The following OTOA variants were observed in gnomAD, a reference collection of about 807,000 sequenced individuals.
The protein encoded by OTOA is otoancorin.
Under a neutral mutation model 110.8 loss-of-function variants are expected in OTOA, and 70 were observed. The ratio of observed to expected loss-of-function variants is 0.63; its 90% CI spans 0.52 to 0.77. The LOEUF (loss-of-function observed/expected upper bound fraction) is 0.77. OTOA is among the 30% of genes least tolerant of loss of function. The pLI is 0.00. For synonymous variants in OTOA, 373 were observed against 431.5 expected (o/e 0.86, Z 1.68); for missense variants, 917 against 1,075.8 (o/e 0.85, Z 2.06).
chr16:21,692,419 C>G (rs1325703031), intron 9 of OTOA, among the ~76,000 whole-genome samples: 3 of 151,886 alleles, frequency 2.0e-5, no homozygotes, highest in Non-Finnish European at 2.9e-5. Context: ...GTCCTGGCTA[C>G]CAAAGCAGGT....
chr16:21,671,588 AAAAAAAAAAAAAG>A (rs1416711712), intron 1 of OTOA, among the ~76,000 whole-genome samples: 1 of 146,076 alleles, frequency 6.8e-6, no homozygotes, highest in Non-Finnish European at 1.5e-5. Flanking sequence ...CTCCATATCA[AAAAAAAAAAAAAG>A]AAAAAAGAAA....
chr16:21,711,799 G>C (rs938165795), intron 13 of OTOA, among the ~76,000 whole-genome samples: 9 of 151,992 alleles, frequency 5.9e-5, no homozygotes, highest in African/African-American at 1.9e-4. Context: ...CCACACTCCT[G>C]GCCACTTCCC....
Position 21,681,779 on chromosome 16 carries a change from C to A in OTOA, c.221C>A (p.Ala74Asp). 4.3e-6 allele frequency: 7 copies of A among 1,614,026 alleles called. No homozygotes were observed. The highest frequency in any genetic ancestry group is 5.9e-6 in the Non-Finnish European group (7 of 1,179,984). The change falls in exon 6 of 29, where the codon GCC (alanine) becomes GAC (aspartate). Residue 74 changes from alanine to aspartate, a missense_variant. This residue lies in a region of OTOA where 840 missense variants were observed against 910.2 expected (regional missense o/e 0.92). Transcript: ENST00000646100. Reference protein sequence around the residue: ...WTDDLSHRVLAYLNSRNVAFT... With the variant: ...WTDDLSHRVLDYLNSRNVAFT... Reference sequence around the variant, plus strand: ...GATGACCTGTCCCACAGAGTCCTGGCCTATCTGAATTCCCGGAATGTTGCC... The same window carrying A: ...GATGACCTGTCCCACAGAGTCCTGGACTATCTGAATTCCCGGAATGTTGCC...
In OTOA at chr16:21,715,064, G is replaced by A. The variant is rs376997763; in HGVS notation, c.1400G>A (p.Arg467His). ...VSTQAFCSMK[R>H]KDISQVLRSA... is the part of the protein sequence containing the mutation. ...ACCCAGGCCTTCTGCAGCATGAAACGCAAGGACATCTCGCAGGTCCTGAGA... is the reference window on the plus strand; with the variant it reads ...ACCCAGGCCTTCTGCAGCATGAAACACAAGGACATCTCGCAGGTCCTGAGA... The change falls in exon 14 of 29, where the codon CGC becomes CAC. Residue 467 changes from arginine (R) to histidine (H), a missense_variant. Arg to His is a conservative substitution (Grantham distance 29). This residue lies in a region of OTOA where 840 missense variants were observed against 910.2 expected (regional missense o/e 0.92). Transcript: ENST00000646100. The A allele has an allele frequency of 2.2e-5, 36 of 1,614,106 alleles. No homozygotes were observed. The highest frequency in any genetic ancestry group is 2.9e-5 in the Non-Finnish European group (34 of 1,180,034).
At chr16:21,713,598 T>A (rs215884) in intron 13 of OTOA, among the ~76,000 whole-genome samples, 141,596 of 152,244 alleles carry the variant, frequency 0.93, 66,356 homozygotes, top group Middle Eastern at 0.98. Flanking sequence ...CAGTTCATTC[T>A]TGTGAGGTAC....
rs529611505 is a variant in OTOA, at chr16:21,674,005, G to A, written c.-4-4506G>A. 5.3e-5 allele frequency among the ~76,000 whole-genome samples: 8 copies of A among 152,158 alleles called. No individual in the cohort carries two copies. In the East Asian group the frequency reaches 1.5e-3, roughly 29 times the overall value. ...GTAGAGATGGGGTTTCACCATGTTA[G>A]CCAGGATGGTCTTGATCTCCTGACC... is the stretch of plus-strand genomic sequence containing the variant. On this transcript the variant is annotated intron_variant, in intron 1 of 28. Coordinates refer to ENST00000646100, the MANE Select transcript of OTOA (RefSeq NM_144672.4).
chr16:21,727,919 T>C (rs973984565), intron 19 of OTOA, among the ~76,000 whole-genome samples: 1 of 150,660 alleles, frequency 6.6e-6, no homozygotes, highest in Non-Finnish European at 1.5e-5. Flanking sequence ...TGGAGTGCAA[T>C]GGCATGATCA....
chr16:21,705,249 T>C lies in OTOA; in HGVS notation c.1061T>C (p.Ile354Thr), dbSNP rs1197996712. Residue 354 changes from isoleucine to threonine, a missense_variant, in exon 12 of 29, where the codon ATC (isoleucine) becomes ACC (threonine). Physicochemically the swap from Ile to Thr is moderately conservative, Grantham distance 89. Coordinates refer to ENST00000646100, the MANE Select transcript of OTOA (RefSeq NM_144672.4). ...TVAQVLLYQM[I>T]KCSHLRGFQA... is the part of the protein sequence containing the mutation. ...GCTCAAGTCCTGCTTTACCAGATGA[T>C]CAAGTGCAGCCACCTGAGGGGCTTC... 1 of 1,613,992 alleles carries C rather than the reference T, an allele frequency of 6.2e-7. No individual in the cohort carries two copies. Among genetic ancestry groups the C allele is most frequent in the Non-Finnish European group, 8.5e-7 (1 of 1,180,026 alleles).
chr16:21,734,729 C>T (rs1470303412), intron 21 of OTOA, among the ~76,000 whole-genome samples: 7 of 151,884 alleles, frequency 4.6e-5, no homozygotes, highest in East Asian at 1.9e-4. Flanking sequence ...CCCAGCTACT[C>T]GGGAGGCTGA....
At chr16:21,684,630 A>G in intron 6 of OTOA, 1 of 1,229,420 alleles carries the variant, frequency 8.1e-7, no homozygotes, top group South Asian at 1.4e-5. Context: ...TGGCTTGCCA[A>G]TTATTGCCTA....
At chr16:21,674,276 T>G (rs1465065442) in intron 1 of OTOA, among the ~76,000 whole-genome samples, 1 of 152,206 alleles carries the variant, frequency 6.6e-6, no homozygotes, top group Non-Finnish European at 1.5e-5. Flanking sequence ...ATCCAGTTTC[T>G]CCTCATTCTT....
intron 18 of OTOA, among the ~76,000 whole-genome samples, chr16:21,723,996 C>A (rs1419271003): frequency 6.6e-6 from 1 of 152,106 alleles, no homozygotes; most frequent in Non-Finnish European, 1.5e-5. Context: ...CTGTATTGCA[C>A]CCCTGGAGCT....
At chr16:21,683,367 C>A (rs184481289) in intron 6 of OTOA, among the ~76,000 whole-genome samples, 2 of 152,184 alleles carry the variant, frequency 1.3e-5, no homozygotes, top group Admixed American at 1.3e-4. Context: ...AAAACTGAGG[C>A]CCAGAAGAAA....
chr16:21,719,020 T>C (rs1259413193), intron 15 of OTOA, 113 bp from the exon 16 acceptor site: 1 of 1,072,928 alleles, frequency 9.3e-7, no homozygotes. Context: ...CTGTTAAGCC[T>C]CCATTTCCCC....
intron 10 of OTOA, among the ~76,000 whole-genome samples, chr16:21,699,706 G>A (rs549975263): frequency 1.5e-4 from 23 of 152,110 alleles, no homozygotes; most frequent in African/African-American, 5.3e-4. Context: ...ATCATGTGAG[G>A]TCAGGTGTTC....
intron 28 of OTOA, among the ~76,000 whole-genome samples, chr16:21,757,857 A>T (rs1411272700): frequency 1.3e-5 from 2 of 152,126 alleles, no homozygotes; most frequent in Non-Finnish European, 2.9e-5. Context: ...ACCTCAGGTC[A>T]TCTGCCCACC....
At chr16:21,693,376 G>A (rs1029319600) in intron 9 of OTOA, among the ~76,000 whole-genome samples, 1 of 152,296 alleles carries the variant, frequency 6.6e-6, no homozygotes, top group Non-Finnish European at 1.5e-5. Context: ...AACCTTTAAT[G>A]TCAGTAATGT....
At chr16:21,696,307 C>T (rs563680975) in intron 9 of OTOA, among the ~76,000 whole-genome samples, 2 of 151,948 alleles carry the variant, frequency 1.3e-5, no homozygotes, top group Admixed American at 6.6e-5. Context: ...AAGTACTTCT[C>T]GTGAAGGAGA....
At position 21,688,577 on chromosome 16, in the gene OTOA, G is replaced by A. The variant is rs75145751; in HGVS notation, c.635+929G>A. On this transcript the variant is annotated intron_variant, in intron 8 of 28. Transcript: ENST00000646100. ...TAAACAAGAAGCATTTATTTCTCATGGTTCTGGAGGCTGGGAAGTCCAAGA... is the reference window on the plus strand; with the variant it reads ...TAAACAAGAAGCATTTATTTCTCATAGTTCTGGAGGCTGGGAAGTCCAAGA... 7.6e-3 allele frequency among the ~76,000 whole-genome samples: 1,157 copies of A among 152,176 alleles called. 29 individuals carry two copies. The highest frequency in any genetic ancestry group is 0.054 in the East Asian group (280 of 5,174).
Sources: allele counts gnomAD v4.1 joint callset (sites outside exome capture counted in the v4.1 genomes callset), GRCh38; gene constraint gnomAD v4.1.1; regional missense constraint gnomAD v4.1.1; transcripts MANE v1.5; gene names NCBI Gene and HGNC (gene_info 2026-07-23, HGNC 2026-07-21).